The following HEATR4 variants were observed in gnomAD, a reference collection of about 807,000 sequenced individuals.
HEATR4 encodes the protein HEAT repeat containing 4.
A neutral mutation model predicts 108.8 loss-of-function variants in HEATR4; 95 were observed. The observed-to-expected ratio is 0.87, with a 90% CI of 0.74 to 1.04. The LOEUF (loss-of-function observed/expected upper bound fraction) is 1.04, where lower values mean the gene tolerates loss of function less well. Among genes scored for constraint, HEATR4 ranks in the 50% least tolerant of loss-of-function variants. The pLI is 0.00. For synonymous variants in HEATR4, 443 were observed against 459.4 expected (o/e 0.96, Z 0.46); for missense variants, 1,152 against 1,253.8 (o/e 0.92, Z 1.23).
rs1214705501 is a variant in HEATR4 at position 73,547,380 on chromosome 14, C to CA, written c.-152+11370dup. Among the ~76,000 whole-genome samples the CA allele has an allele frequency of 3.8e-4, 44 of 115,118 alleles. 13 individuals are homozygous for CA. In the East Asian group the frequency reaches 4.9e-3, roughly 13 times the overall value. 75.5% of individuals were successfully genotyped at this position (115,118 alleles called of 152,430 possible). A position where few individuals can be genotyped will look rare whatever the true frequency, so the allele number is the denominator to read the frequency against. On this transcript the variant is annotated intron_variant, in intron 1 of 17. Transcript: ENST00000553558. The stretch of plus-strand genomic sequence containing the variant: ...TGGGCAAAAGGGCAAAACGCTGTCT[C>CA]AAAAACAAAATAGAGATGGGGTCTC...
At chr14:73,613,315 C>T in the HEATR4 span, among the ~76,000 whole-genome samples, 1 of 152,034 alleles carries the variant, frequency 6.6e-6, no homozygotes, top group African/African-American at 2.4e-5. Context: ...CCTGGAGGCA[C>T]CACCACTTTA....
chr14:73,570,110 CTTT>C, the HEATR4 span, among the ~76,000 whole-genome samples: 118 of 140,646 alleles, frequency 8.4e-4, no homozygotes, highest in African/African-American at 2.8e-3. Flanking sequence ...GGGAGTTACA[CTTT>C]TTTTTTTTTT....
the HEATR4 span, among the ~76,000 whole-genome samples, chr14:73,621,162 G>A: frequency 5.3e-5 from 8 of 152,168 alleles, no homozygotes; most frequent in Admixed American, 1.3e-4. Flanking sequence ...GCAGTGAGCC[G>A]AGATCGCGCC....
the HEATR4 span, chr14:73,569,990 G>C: frequency 4.2e-6 from 6 of 1,444,330 alleles, no homozygotes; most frequent in Non-Finnish European, 5.5e-6. Context: ...CGCGCCCCCG[G>C]GCTATATTGC....
Position 73,558,804 on chromosome 14 carries a change from T to G in HEATR4, c.-205A>C, listed in dbSNP as rs902937122. 1.5e-4 allele frequency: 23 copies of G among 151,236 alleles called. No homozygotes were observed. Among genetic ancestry groups the G allele is most frequent in the African/African-American group, 5.6e-4 (23 of 41,076 alleles). The allele number at this position is 151,236 out of a possible 1,614,324, so 9.4% of individuals were successfully genotyped here. ...CAGCTACCTCAGGTTGCCCCTCATC[T>G]TCCAGCTGACACCATCCAGCACCTT... On this transcript the variant is annotated 5_prime_UTR_variant, in exon 1 of 18. Coordinates refer to ENST00000553558, the MANE Select transcript of HEATR4 (RefSeq NM_001220484.1).
the HEATR4 span, among the ~76,000 whole-genome samples, chr14:73,568,708 A>T: frequency 6.6e-6 from 1 of 152,010 alleles, no homozygotes; most frequent in Admixed American, 6.6e-5. Context: ...TTACAAAGTC[A>T]GGAGTTTGAG....
intron 16 of HEATR4, among the ~76,000 whole-genome samples, chr14:73,494,455 C>A (rs1203725450): frequency 2.6e-5 from 4 of 152,178 alleles, no homozygotes; most frequent in Non-Finnish European, 5.9e-5. Flanking sequence ...TTTACAAATT[C>A]TTTTTAAAAA....
In HEATR4 at chr14:73,521,015, T is replaced by C; in HGVS notation, c.906A>G (p.Ala302=). The change falls in exon 4 of 18, where the codon GCA becomes GCG. Residue 302 remains alanine (A), a synonymous_variant. Transcript: ENST00000553558. Reference sequence around the variant, plus strand: ...TGCCAGGCATGATCTCAACTGTCTCTGCTTGTTGGAAGTAACTGGGCAATC... The same window carrying C: ...TGCCAGGCATGATCTCAACTGTCTCCGCTTGTTGGAAGTAACTGGGCAATC... ...YYRLPSYFQQ[A]ETVEIMPGNK... is the part of the protein sequence containing the mutation. The C allele has an allele frequency of 1.2e-6, 2 of 1,613,662 alleles. No individual in the cohort carries two copies. Among genetic ancestry groups the C allele is most frequent in the African/African-American group, 1.3e-5 (1 of 74,910 alleles).
chr14:73,522,982 T>C lies in HEATR4; in HGVS notation c.171A>G (p.Leu57=). 2 of 1,614,194 alleles carry C rather than the reference T, an allele frequency of 1.2e-6. No homozygotes were observed. Among genetic ancestry groups the C allele is most frequent in the Non-Finnish European group, 1.7e-6 (2 of 1,180,036 alleles). ...TTTTCAAATATTGGCTCTTGCGGTG[T>C]AGACGGTACTGTGAGCTGAAGAAGA... ...PMVFFSSQYR[L]HRKSQYLKMA... Residue 57 remains leucine, a synonymous_variant, in exon 3 of 18, where the codon CTA becomes CTG. Coordinates refer to ENST00000553558, the MANE Select transcript of HEATR4 (RefSeq NM_001220484.1).
At chr14:73,501,376 C>T (rs1275356497) in intron 11 of HEATR4, among the ~76,000 whole-genome samples, 3 of 151,968 alleles carry the variant, frequency 2.0e-5, no homozygotes, top group African/African-American at 7.2e-5. Flanking sequence ...CTGCCCGCCT[C>T]GGCCTCCCAA....
the HEATR4 span, among the ~76,000 whole-genome samples, chr14:73,628,927 C>T: frequency 2.9e-5 from 4 of 139,286 alleles, no homozygotes; most frequent in African/African-American, 1.1e-4. Flanking sequence ...TAGTGGTGGG[C>T]GCCTGTAATC....
rs12588448 is a variant in HEATR4, at chr14:73,529,690, C to G, written c.-73+476G>C. Among the ~76,000 whole-genome samples, 5,101 of 152,316 alleles carry G rather than the reference C, an allele frequency of 0.033. 607 individuals are homozygous for G. In the East Asian group the frequency reaches 0.45, roughly 13 times the overall value. On this transcript the variant is annotated intron_variant, in intron 2 of 17. Transcript: ENST00000553558. ...CAGTCGCTTACCCTCACCCTCTGGT[C>G]TGATACCTTTATCCTGTACAAGTGG...
intron 9 of HEATR4, 129 bp downstream of exon 9, chr14:73,508,005 C>T (rs942417376): frequency 5.9e-6 from 5 of 852,568 alleles, no homozygotes; most frequent in Non-Finnish European, 7.5e-6. Context: ...CTCGGCCTCC[C>T]GAAGTGTTGG....
chr14:73,603,304 G>A, the HEATR4 span, among the ~76,000 whole-genome samples: 1 of 152,156 alleles, frequency 6.6e-6, no homozygotes, highest in South Asian at 2.1e-4. Flanking sequence ...TTTAGAACAC[G>A]TTTACATTTT....
chr14:73,589,960 T>C, the HEATR4 span, among the ~76,000 whole-genome samples: 1 of 152,304 alleles, frequency 6.6e-6, no homozygotes, highest in South Asian at 2.1e-4. Context: ...GTTCGTGGTC[T>C]GGTAGGCTTC....
the HEATR4 span, chr14:73,592,467 G>T: frequency 6.9e-7 from 1 of 1,449,034 alleles, no homozygotes; most frequent in Non-Finnish European, 9.0e-7. Flanking sequence ...CTGAGTCTCC[G>T]TTTGTTTCCA....
the HEATR4 span, among the ~76,000 whole-genome samples, chr14:73,584,504 TC>T: frequency 6.7e-6 from 1 of 149,486 alleles, no homozygotes; most frequent in African/African-American, 2.5e-5. Flanking sequence ...TCTCCTCCCA[TC>T]TCCTTGCTAG....
chr14:73,499,210 G>A (rs568115893), intron 12 of HEATR4, 70 bp from the exon 13 acceptor site: 2 of 1,296,442 alleles, frequency 1.5e-6, no homozygotes, highest in East Asian at 2.3e-5. Context: ...GCTGGGTGCG[G>A]TGGTGCACCC....
At chr14:73,552,421 C>G (rs1482508972) in intron 1 of HEATR4, among the ~76,000 whole-genome samples, 2 of 92,588 alleles carry the variant, frequency 2.2e-5, no homozygotes, top group Admixed American at 1.3e-4. Flanking sequence ...TCTGCAGCCT[C>G]TTCCTTGCCC....
Sources: gnomAD v4.1 joint callset for allele counts (sites outside exome capture counted in the v4.1 genomes callset) on GRCh38, gnomAD v4.1.1 for gene constraint, MANE v1.5 for transcripts, NCBI Gene and HGNC (gene_info 2026-07-23, HGNC 2026-07-21) for gene names.